The following ZFAT variants were observed in gnomAD, a reference collection of about 807,000 sequenced individuals.
ZFAT encodes zinc finger protein ZFAT.
Under a neutral mutation model 117.7 loss-of-function variants are expected in ZFAT, and 64 were observed. That is an observed-to-expected ratio of 0.54 (90% CI 0.44 to 0.67). The LOEUF (loss-of-function observed/expected upper bound fraction) is 0.67, where lower values mean the gene tolerates loss of function less well. ZFAT is among the 30% of genes least tolerant of loss of function. The pLI is 0.00. For missense variants in ZFAT, 1,433 were observed against 1,584.5 expected (o/e 0.90, Z 1.62); for synonymous variants, 679 against 615.0 (o/e 1.10, Z -1.54).
At chr8:134,611,298 G>A (rs555211728) in intron 3 of ZFAT, among the ~76,000 whole-genome samples, 14 of 152,368 alleles carry the variant, frequency 9.2e-5, no homozygotes, top group Admixed American at 7.8e-4. Flanking sequence ...CAATGGTCAG[G>A]AAATACAGGC....
the ZFAT span, among the ~76,000 whole-genome samples, chr8:134,806,793 A>G: frequency 6.6e-6 from 1 of 152,226 alleles, no homozygotes; most frequent in Non-Finnish European, 1.5e-5. Context: ...AAATGTACAG[A>G]AGTTGAATAT....
the ZFAT span, among the ~76,000 whole-genome samples, chr8:134,754,251 C>T: frequency 1.4e-4 from 22 of 152,084 alleles, no homozygotes; most frequent in Non-Finnish European, 2.1e-4. Flanking sequence ...AGATGATGCC[C>T]GAGCAGAACT....
At position 134,601,937 on chromosome 8, in the gene ZFAT, T is replaced by C. The variant is rs915304530; in HGVS notation, c.1782A>G (p.Ser594=). Residue 594 remains serine, a synonymous_variant, in exon 6 of 16, where the codon TCA becomes TCG. Transcript: ENST00000377838. The part of the protein sequence containing the change: ...SSDLHSQEVV[S]DDFLLKNDTS... The stretch of plus-strand genomic sequence containing the variant: ...TATCATTTTTCAACAAAAAATCATC[T>C]GAAACCACCTCTTGAGAATGCAGGT... The C allele has an allele frequency of 1.9e-5, 31 of 1,614,090 alleles. No individual in the cohort carries two copies. The highest frequency in any genetic ancestry group is 2.4e-5 in the Non-Finnish European group (28 of 1,179,996).
the ZFAT span, among the ~76,000 whole-genome samples, chr8:134,753,565 T>C: frequency 1.3e-5 from 2 of 152,220 alleles, no homozygotes; most frequent in South Asian, 4.1e-4. Context: ...AGATATTTAT[T>C]ACATTATTTA....
the ZFAT span, chr8:134,797,520 C>T: frequency 6.6e-6 from 1 of 152,030 alleles, no homozygotes; most frequent in African/African-American, 2.4e-5. Context: ...AAATACTGAA[C>T]ATTTTTTAAG....
chr8:134,573,971 C>A (rs1360735764), intron 10 of ZFAT, among the ~76,000 whole-genome samples: 1 of 152,208 alleles, frequency 6.6e-6, no homozygotes, highest in African/African-American at 2.4e-5. Flanking sequence ...AAAACATTAC[C>A]CACGTTGTCC....
chr8:134,653,501 G>A (rs201873979), intron 2 of ZFAT, among the ~76,000 whole-genome samples: 1 of 134,770 alleles, frequency 7.4e-6, no homozygotes, highest in Non-Finnish European at 1.5e-5. Flanking sequence ...CTGGGCTCAA[G>A]TGATCCTCCT....
At chr8:134,699,155 G>A (rs912809297) in intron 1 of ZFAT, among the ~76,000 whole-genome samples, 2 of 152,108 alleles carry the variant, frequency 1.3e-5, no homozygotes, top group African/African-American at 4.8e-5. Context: ...GTAGGGAACT[G>A]AGGATAAAGC....
At chr8:134,641,910 C>T (rs761561501) in intron 2 of ZFAT, among the ~76,000 whole-genome samples, 3 of 152,200 alleles carry the variant, frequency 2.0e-5, no homozygotes, top group Non-Finnish European at 4.4e-5. Flanking sequence ...AGAGAATCGG[C>T]CAAAGGATTA....
At chr8:134,584,042 ACATACGTTTATG>A (rs1216640726) in intron 9 of ZFAT, 37 bp from the exon 10 acceptor site, 1 of 1,536,596 alleles carries the variant, frequency 6.5e-7, no homozygotes, top group East Asian at 2.4e-5. Flanking sequence ...CTATATATTT[ACATACGTTTATG>A]CATATGTGTG....
intron 1 of ZFAT, among the ~76,000 whole-genome samples, chr8:134,666,234 T>A (rs183571913): frequency 1.7e-3 from 258 of 152,224 alleles, no homozygotes; most frequent in Non-Finnish European, 2.3e-3. Flanking sequence ...TCTCCAGGCA[T>A]CAAAGAGACT....
chr8:134,780,406 A>G, the ZFAT span, among the ~76,000 whole-genome samples: 2 of 152,054 alleles, frequency 1.3e-5, no homozygotes, highest in African/African-American at 4.8e-5. Flanking sequence ...CCAAATTCCT[A>G]TCCTTGGGGC....
At chr8:134,824,587 A>G in the ZFAT span, among the ~76,000 whole-genome samples, 1 of 152,220 alleles carries the variant, frequency 6.6e-6, no homozygotes, top group Non-Finnish European at 1.5e-5. Flanking sequence ...TTTAGAAAGT[A>G]AAATTATTAT....
chr8:134,507,523 G>C (rs982129325), intron 15 of ZFAT, among the ~76,000 whole-genome samples: 1 of 152,174 alleles, frequency 6.6e-6, no homozygotes, highest in African/African-American at 2.4e-5. Flanking sequence ...TCTTTGCTGT[G>C]TTTGCAATAA....
chr8:134,639,577 T>C (rs1830466946), intron 2 of ZFAT, among the ~76,000 whole-genome samples: 1 of 152,306 alleles, frequency 6.6e-6, no homozygotes, highest in Admixed American at 6.5e-5. Flanking sequence ...AAAGCCTGTG[T>C]TTACAGGAGA....
chr8:134,523,973 G>A (rs1282707111), intron 12 of ZFAT, among the ~76,000 whole-genome samples: 3 of 152,134 alleles, frequency 2.0e-5, no homozygotes, highest in Non-Finnish European at 4.4e-5. Flanking sequence ...CCCTTCTAAA[G>A]TGGCACCTTC....
rs1233141389 is a variant in ZFAT, at chr8:134,653,422, T to TG, written c.196+4138_196+4139insC. On this transcript the variant is annotated intron_variant, in intron 2 of 15. Coordinates refer to ENST00000377838, the MANE Select transcript of ZFAT (RefSeq NM_020863.4). ...ACAGGCACAAGCCGTTTTATCTGTT[T>TG]TTTTTTTTTTTTTTTTTTTTTTTTT... is the stretch of plus-strand genomic sequence containing the variant. 2.0e-3 allele frequency among the ~76,000 whole-genome samples: 223 copies of TG among 108,958 alleles called. 3 individuals are homozygous for TG. Among genetic ancestry groups the TG allele is most frequent in the Middle Eastern group, 0.014 (3 of 212 alleles). 71.5% of individuals were successfully genotyped at this position (108,958 alleles called of 152,430 possible).
upstream of ZFAT, among the ~76,000 whole-genome samples, chr8:134,714,783 G>T (rs1423134796): frequency 1.3e-5 from 2 of 151,892 alleles, no homozygotes; most frequent in African/African-American, 4.8e-5. Flanking sequence ...GCCAGGTGTG[G>T]ATCTCGCCTC....
At chr8:134,668,795 G>C (rs1408656078) in intron 1 of ZFAT, among the ~76,000 whole-genome samples, 1 of 152,046 alleles carries the variant, frequency 6.6e-6, no homozygotes, top group African/African-American at 2.4e-5. Context: ...TCAGACGATT[G>C]AACTTCTCCA....
Sources: allele counts gnomAD v4.1 joint callset (sites outside exome capture counted in the v4.1 genomes callset), GRCh38; gene constraint gnomAD v4.1.1; transcripts MANE v1.5; gene names NCBI Gene and HGNC (gene_info 2026-07-23, HGNC 2026-07-21).